The following PPP1R12A variants were observed in gnomAD, a reference collection of about 807,000 sequenced individuals.
PPP1R12A encodes protein phosphatase 1 regulatory subunit 12A.
A neutral mutation model predicts 139.6 loss-of-function variants in PPP1R12A; 19 were observed. The observed-to-expected ratio is 0.14, with a 90% CI of 0.09 to 0.20. The LOEUF is 0.20. PPP1R12A is among the 10% of genes least tolerant of loss of function. PPP1R12A has a pLI of 1.00. For missense variants in PPP1R12A, 925 were observed against 1,211.5 expected (o/e 0.76, Z 3.51); for synonymous variants, 427 against 420.6 (o/e 1.02, Z -0.19).
chr12:79,898,735 T>C (rs999030720), intron 1 of PPP1R12A, among the ~76,000 whole-genome samples: 1 of 152,150 alleles, frequency 6.6e-6, no homozygotes, highest in Non-Finnish European at 1.5e-5. Flanking sequence ...GTCCAATTCT[T>C]AACCTGCTGT....
chr12:79,820,986 T>C (rs1443504749), intron 7 of PPP1R12A, 55 bp from the exon 8 acceptor site: 1 of 1,602,870 alleles, frequency 6.2e-7, no homozygotes, highest in Non-Finnish European at 8.5e-7. Context: ...TTAAAATATA[T>C]TCATTCTTCC....
intron 3 of PPP1R12A, among the ~76,000 whole-genome samples, chr12:79,839,033 G>C (rs1014816738): frequency 1.3e-5 from 2 of 152,234 alleles, no homozygotes; most frequent in Non-Finnish European, 2.9e-5. Context: ...AAGAAGCCAG[G>C]AGTGGGGCTG....
At chr12:79,843,982 C>A (rs1248665555) in intron 3 of PPP1R12A, among the ~76,000 whole-genome samples, 1 of 152,074 alleles carries the variant, frequency 6.6e-6, no homozygotes, top group African/African-American at 2.4e-5. Context: ...GGATTACAGG[C>A]ATGAGCCACT....
intron 1 of PPP1R12A, among the ~76,000 whole-genome samples, chr12:79,930,275 C>T (rs1888151917): frequency 6.6e-6 from 1 of 151,960 alleles, no homozygotes; most frequent in African/African-American, 2.4e-5. Flanking sequence ...GCAAGTTAAC[C>T]AATTTCTATA....
At chr12:79,799,311 A>G (rs193131369) in intron 14 of PPP1R12A, among the ~76,000 whole-genome samples, 1 of 151,966 alleles carries the variant, frequency 6.6e-6, no homozygotes, top group East Asian at 1.9e-4. Flanking sequence ...ACCACGCCCG[A>G]CTAATTTTTT....
At chr12:79,815,939 T>G (rs1400143755) in intron 9 of PPP1R12A, among the ~76,000 whole-genome samples, 2 of 151,952 alleles carry the variant, frequency 1.3e-5, no homozygotes, top group Non-Finnish European at 2.9e-5. Context: ...ATTACTGCCT[T>G]CCTTGGGAAG....
At position 79,805,596 on chromosome 12, in the gene PPP1R12A, G is replaced by A. The variant is rs774871862; in HGVS notation, c.1996C>T (p.Arg666Cys). The part of the protein sequence containing the change: ...VSSTTEVRER[R>C]RSYLTPVRDE... ...ACTGTTATGACCTTTACACACCTGC[G>A]TCTCTCCCTGACCTCTGTTGTGGAG... Residue 666 changes from arginine to cysteine, a missense_variant, in exon 14 of 25, where the codon CGC becomes TGC. This residue lies in a region of PPP1R12A where 403 missense variants were observed against 463.7 expected (regional missense o/e 0.87). Transcript: ENST00000450142. 7 of 1,613,392 alleles carry A rather than the reference G, an allele frequency of 4.3e-6. No individual in the cohort carries two copies. Among genetic ancestry groups the A allele is most frequent in the African/African-American group, 1.3e-5 (1 of 74,870 alleles).
intron 2 of PPP1R12A, among the ~76,000 whole-genome samples, chr12:79,860,204 T>C (rs1187454713): frequency 2.0e-5 from 3 of 152,180 alleles, no homozygotes; most frequent in Non-Finnish European, 2.9e-5. Context: ...GAAAAGATTA[T>C]ATCCAAATAA....
intron 1 of PPP1R12A, among the ~76,000 whole-genome samples, chr12:79,904,734 AGATT>A (rs1419972476): frequency 6.6e-6 from 1 of 152,228 alleles, no homozygotes; most frequent in Non-Finnish European, 1.5e-5. Context: ...AAGCATCTGC[AGATT>A]TCACTTGCTC....
Position 79,846,104 on chromosome 12 carries a change from T to C in PPP1R12A, c.369-684A>G, listed in dbSNP as rs76999243. On this transcript the variant is annotated intron_variant, in intron 2 of 24. Coordinates refer to ENST00000450142, the MANE Select transcript of PPP1R12A (RefSeq NM_002480.3). ...CACAGATACATTAAATTATTGCTTA[T>C]CATTATTTTAAAATTAGCTATTAAA... 5.4e-3 allele frequency among the ~76,000 whole-genome samples: 826 copies of C among 151,878 alleles called. 5 individuals carry two copies. The highest frequency in any genetic ancestry group is 0.019 in the African/African-American group (783 of 41,254).
At chr12:79,875,542 G>A (rs1262384111) in intron 1 of PPP1R12A, among the ~76,000 whole-genome samples, 3 of 152,152 alleles carry the variant, frequency 2.0e-5, no homozygotes, top group African/African-American at 4.8e-5. Flanking sequence ...ACACAACTAG[G>A]AGTATGTGGG....
At chr12:79,786,309 C>A (rs1299616922) in intron 22 of PPP1R12A, 65 bp downstream of exon 22, 4 of 1,018,310 alleles carry the variant, frequency 3.9e-6, no homozygotes, top group Non-Finnish European at 5.6e-6. Flanking sequence ...AATTTTAATA[C>A]CATTTTTAGA....
At chr12:79,778,744 G>A (rs1870049366) in intron 23 of PPP1R12A, 144 bp from the exon 24 acceptor site, 1 of 469,120 alleles carries the variant, frequency 2.1e-6, no homozygotes, top group Non-Finnish European at 3.6e-6. Context: ...GATATGTAAA[G>A]AGCTTTCCAA....
intron 23 of PPP1R12A, chr12:79,780,784 A>T (rs1870347558): frequency 6.6e-6 from 1 of 152,210 alleles, no homozygotes; most frequent in Non-Finnish European, 1.5e-5. Flanking sequence ...AGCAATTATT[A>T]TGTCCATTTT....
At chr12:79,809,317 G>T (rs1874240468) in intron 10 of PPP1R12A, among the ~76,000 whole-genome samples, 1 of 151,994 alleles carries the variant, frequency 6.6e-6, no homozygotes, top group African/African-American at 2.4e-5. Flanking sequence ...ATATAATGCA[G>T]TATTAATACC....
At chr12:79,798,292 T>G (rs1248354151) in intron 15 of PPP1R12A, among the ~76,000 whole-genome samples, 1 of 152,150 alleles carries the variant, frequency 6.6e-6, no homozygotes, top group African/African-American at 2.4e-5. Flanking sequence ...ACCTTTACCT[T>G]TTAAGGATTT....
intron 5 of PPP1R12A, among the ~76,000 whole-genome samples, chr12:79,825,758 C>A (rs965139726): frequency 6.6e-6 from 1 of 151,690 alleles, no homozygotes; most frequent in Non-Finnish European, 1.5e-5. Context: ...AGGAAGGTAT[C>A]CAATGACAAT....
At chr12:79,809,655 T>A (rs1874288271) in intron 10 of PPP1R12A, 140 bp downstream of exon 10, 1 of 646,854 alleles carries the variant, frequency 1.5e-6, no homozygotes, top group Non-Finnish European at 2.6e-6. Context: ...ATAAATTACA[T>A]TTGTCTTATG....
rs202000841 is a variant in PPP1R12A at position 79,804,747 on chromosome 12, GA to G, written c.2000+844del. Among the ~76,000 whole-genome samples the G allele has an allele frequency of 7.6e-3, 1,125 of 148,330 alleles. 11 individuals are homozygous for G. Among genetic ancestry groups the G allele is most frequent in the African/African-American group, 0.027 (1,079 of 40,496 alleles). Reference sequence around the variant, plus strand: ...CTAAGGTTTTATTTTTTTTCAAGAGGAAAAAAAAAGCTAGGGACTATGCATA... The same window carrying G: ...CTAAGGTTTTATTTTTTTTCAAGAGGAAAAAAAAGCTAGGGACTATGCATA... On this transcript the variant is annotated intron_variant, in intron 14 of 24. Coordinates refer to ENST00000450142, the MANE Select transcript of PPP1R12A (RefSeq NM_002480.3).
Sources: allele counts gnomAD v4.1 joint callset (sites outside exome capture counted in the v4.1 genomes callset), GRCh38; gene constraint gnomAD v4.1.1; regional missense constraint gnomAD v4.1.1; transcripts MANE v1.5; gene names NCBI Gene and HGNC (gene_info 2026-07-23, HGNC 2026-07-21).